The following THADA variants were observed in gnomAD, a reference collection of about 807,000 sequenced individuals.
The protein encoded by THADA is tRNA (32-2'-O)-methyltransferase regulator THADA.
THADA carries 213 observed loss-of-function variants against 219.8 expected under a neutral mutation model. That is an observed-to-expected ratio of 0.97 (90% CI 0.87 to 1.09). The LOEUF (loss-of-function observed/expected upper bound fraction) is 1.09, where lower values mean the gene tolerates loss of function less well. THADA is among the 50% of genes least tolerant of loss of function. The pLI is 0.00. For synonymous variants in THADA, 1,018 were observed against 828.9 expected, an observed-to-expected ratio of 1.23 and a Z score of -3.92; for missense variants, 2,956 against 2,311.3, an observed-to-expected ratio of 1.28 and a Z score of -5.72.
At position 43,413,372 on chromosome 2, in the gene THADA, G is replaced by T. The variant is rs115780048; in HGVS notation, c.4058+14728C>A. ...TGAGGCTAAGAGGGCTGGCTGAATC[G>T]TAAGTCAGCAGTCTGATTAGCAAAG... On this transcript the variant is annotated intron_variant, in intron 28 of 37. Transcript: ENST00000405975. Among the ~76,000 whole-genome samples, 521 of 152,238 alleles carry T rather than the reference G, an allele frequency of 3.4e-3. 4 individuals carry two copies. The highest frequency in any genetic ancestry group is 0.012 in the African/African-American group (510 of 41,544).
chr2:43,579,298 T>C (rs573535635), intron 8 of THADA, among the ~76,000 whole-genome samples: 41 of 152,290 alleles, frequency 2.7e-4, no homozygotes, highest in African/African-American at 9.4e-4. Context: ...CCAATCACCA[T>C]ATACACAGAC....
chr2:43,468,859 AT>A (rs1684577579), intron 26 of THADA, among the ~76,000 whole-genome samples: 1 of 152,130 alleles, frequency 6.6e-6, no homozygotes, highest in South Asian at 2.1e-4. Context: ...TACTATTACC[AT>A]CCCCATTTTA....
intron 22 of THADA, among the ~76,000 whole-genome samples, chr2:43,517,450 T>G (rs1276391136): frequency 2.0e-5 from 3 of 152,112 alleles, no homozygotes; most frequent in African/African-American, 7.2e-5. Flanking sequence ...TGCCAATATC[T>G]TTATTTACCA....
At chr2:43,500,236 A>G (rs1688776070) in intron 24 of THADA, among the ~76,000 whole-genome samples, 1 of 152,206 alleles carries the variant, frequency 6.6e-6, no homozygotes, top group Admixed American at 6.5e-5. Flanking sequence ...ATTGGAAGTT[A>G]GGCTAGTGGT....
intron 26 of THADA, among the ~76,000 whole-genome samples, chr2:43,475,706 A>G (rs1685452096): frequency 6.6e-6 from 1 of 152,218 alleles, no homozygotes; most frequent in Non-Finnish European, 1.5e-5. Context: ...GTCATGTGTA[A>G]AGACACACAC....
At position 43,505,830 on chromosome 2, in the gene THADA, T is replaced by G. The variant is rs1689603395; in HGVS notation, c.3508-95A>C. ...TCAATCCCAAAATGCAAAATCCCCT[T>G]AATAAAAACATGTGGTTATCAAAGA... On this transcript the variant is annotated intron_variant, in intron 23 of 37. Coordinates refer to ENST00000405975, the MANE Select transcript of THADA (RefSeq NM_022065.5). 5.9e-6 allele frequency: 5 copies of G among 849,750 alleles called. No homozygotes were observed. The Admixed American group carries it at 1.2e-4, about 20-fold the overall frequency. The allele number at this position is 849,750 out of a possible 1,614,324, so 52.6% of individuals were successfully genotyped here. A position where few individuals can be genotyped will look rare whatever the true frequency, so the allele number is the denominator to read the frequency against.
At position 43,586,906 on chromosome 2, in the gene THADA, AGAGTAT is replaced by A. The variant is rs769486100; in HGVS notation, c.393_398del (p.Leu131_Ser133delinsPhe). 3 of 1,613,946 alleles carry A rather than the reference AGAGTAT, an allele frequency of 1.9e-6. No homozygotes were observed. Among genetic ancestry groups the A allele is most frequent in the East Asian group, 2.2e-5 (1 of 44,866 alleles). On this transcript the variant is annotated inframe_deletion, in exon 5 of 38. Transcript: ENST00000405975. ...AAATATTGTCAGTAACTTTCCTGTA[AGAGTAT>A]AAGTCAGTAGTATTCAATTCTTCCT... is the stretch of plus-strand genomic sequence containing the variant.
intron 25 of THADA, among the ~76,000 whole-genome samples, chr2:43,498,218 G>C (rs1354248832): frequency 6.6e-6 from 1 of 152,120 alleles, no homozygotes; most frequent in Non-Finnish European, 1.5e-5. Flanking sequence ...GAGGTTACTA[G>C]GGGTGAGGGA....
At chr2:43,233,738 G>C (rs1045669394) in intron 36 of THADA, among the ~76,000 whole-genome samples, 1 of 152,062 alleles carries the variant, frequency 6.6e-6, no homozygotes, top group African/African-American at 2.4e-5. Context: ...CTAAATATGG[G>C]TTTGGAGGGA....
intron 35 of THADA, among the ~76,000 whole-genome samples, chr2:43,283,708 T>C (rs1294988498): frequency 6.6e-6 from 1 of 152,234 alleles, no homozygotes; most frequent in Non-Finnish European, 1.5e-5. Context: ...GCATTCAAGA[T>C]GTGACCTGGC....
intron 36 of THADA, among the ~76,000 whole-genome samples, chr2:43,242,634 G>C (rs766846314): frequency 6.6e-6 from 1 of 152,062 alleles, no homozygotes; most frequent in Non-Finnish European, 1.5e-5. Flanking sequence ...AAGACTATAG[G>C]CACACCATCA....
chr2:43,556,607 T>TA lies in THADA; in HGVS notation c.2464-53dup, dbSNP rs1202789470. 13 of 1,538,308 alleles carry TA rather than the reference T, an allele frequency of 8.5e-6. No individual in the cohort carries two copies. The East Asian group carries it at 1.9e-4, about 22-fold the overall frequency. ...TGTCAAATTAAAGATCTCTTTAATTTAAAAAAATAGTAAATTTTTTAAAAC... is the reference window on the plus strand; with the variant it reads ...TGTCAAATTAAAGATCTCTTTAATTTAAAAAAAATAGTAAATTTTTTAAAAC... On this transcript the variant is annotated intron_variant, in intron 16 of 37. Transcript: ENST00000405975.
rs185725903 is a variant in THADA at position 43,481,241 on chromosome 2, C to T, written c.3836+3993G>A. 2.6e-3 allele frequency among the ~76,000 whole-genome samples: 394 copies of T among 152,332 alleles called. 1 individual carries two copies. The highest frequency in any genetic ancestry group is 4.2e-3 in the Non-Finnish European group (283 of 68,028). On this transcript the variant is annotated intron_variant, in intron 26 of 37. Transcript: ENST00000405975. ...AAATAACTAAAATAATTCTCTATCA[C>T]TTATACCCTGGAAAATAAAATAAAT...
rs1157443375 is a variant in THADA at position 43,590,818 on chromosome 2, T to C, written c.302+6A>G. On this transcript the variant is annotated splice_donor_region_variant and intron_variant, in intron 4 of 37. Coordinates refer to ENST00000405975, the MANE Select transcript of THADA (RefSeq NM_022065.5). ...AACACCCAACTTCCCTTCCTTTTTT[T>C]CTTACCTTGCCAATACTTTCTTCAA... 3 of 1,605,768 alleles carry C rather than the reference T, an allele frequency of 1.9e-6. No individual in the cohort carries two copies. Among genetic ancestry groups the C allele is most frequent in the Non-Finnish European group, 2.6e-6 (3 of 1,176,176 alleles).
At chr2:43,417,609 G>A (rs1233139012) in intron 28 of THADA, among the ~76,000 whole-genome samples, 1 of 152,214 alleles carries the variant, frequency 6.6e-6, no homozygotes, top group Non-Finnish European at 1.5e-5. Flanking sequence ...AGCAAAGTAA[G>A]TCCAAATGTT....
chr2:43,417,442 T>C (rs918535273), intron 28 of THADA, among the ~76,000 whole-genome samples: 1 of 152,164 alleles, frequency 6.6e-6, no homozygotes, highest in Non-Finnish European at 1.5e-5. Flanking sequence ...TCAGTGTTTC[T>C]CAAGAATCTC....
chr2:43,426,247 T>C (rs1268144242), intron 28 of THADA, among the ~76,000 whole-genome samples: 5 of 152,228 alleles, frequency 3.3e-5, no homozygotes, highest in Non-Finnish European at 7.3e-5. Flanking sequence ...AAAGGTACTT[T>C]CAGGTACCAC....
intron 24 of THADA, among the ~76,000 whole-genome samples, chr2:43,502,326 G>A (rs1026341927): frequency 3.3e-5 from 5 of 151,630 alleles, no homozygotes; most frequent in African/African-American, 4.8e-5. Context: ...GGCTCACGCC[G>A]GTAATCCCAG....
chr2:43,365,410 A>C (rs1001570252), intron 29 of THADA, among the ~76,000 whole-genome samples: 3 of 151,946 alleles, frequency 2.0e-5, no homozygotes, highest in Admixed American at 2.0e-4. Flanking sequence ...GTCTCCACTA[A>C]AAATACAAAA....
Sources: allele counts gnomAD v4.1 joint callset (sites outside exome capture counted in the v4.1 genomes callset), GRCh38; gene constraint gnomAD v4.1.1; transcripts MANE v1.5; gene names NCBI Gene and HGNC (gene_info 2026-07-23, HGNC 2026-07-21).